SMYD3: variants seen among roughly 807,000 people sequenced by gnomAD.
The protein encoded by SMYD3 is SET and MYND domain containing 3.
SMYD3 carries 36 observed loss-of-function variants against 57.7 expected under a neutral mutation model. The ratio of observed to expected loss-of-function variants is 0.62; its 90% confidence interval spans 0.48 to 0.82. The LOEUF (loss-of-function observed/expected upper bound fraction) is 0.82. Ranked by LOEUF, SMYD3 falls within the 40% of genes least tolerant of loss-of-function variation. The pLI is 0.00. For missense variants in SMYD3, 515 were observed against 538.8 expected, an observed-to-expected ratio of 0.96 and a Z score of 0.44; for synonymous variants, 211 against 195.0, an observed-to-expected ratio of 1.08 and a Z score of -0.68.
At chr1:245,842,268 T>A (rs560410528) in intron 10 of SMYD3, among the ~76,000 whole-genome samples, 4 of 152,254 alleles carry the variant, frequency 2.6e-5, no homozygotes, top group Admixed American at 2.6e-4. Flanking sequence ...TAGACAGGGC[T>A]ACTAAATCGT....
At chr1:246,128,571 T>C (rs2061541289) in intron 5 of SMYD3, among the ~76,000 whole-genome samples, 1 of 152,214 alleles carries the variant, frequency 6.6e-6, no homozygotes, top group South Asian at 2.1e-4. Flanking sequence ...CCTCAGTTCA[T>C]AGATGAACAA....
intron 5 of SMYD3, among the ~76,000 whole-genome samples, chr1:246,300,277 G>C (rs1010070601): frequency 1.3e-5 from 2 of 152,098 alleles, no homozygotes; most frequent in African/African-American, 4.8e-5. Context: ...CATTTCAAAT[G>C]AGTGATAAAA....
intron 10 of SMYD3, among the ~76,000 whole-genome samples, chr1:245,772,906 T>C (rs1204950776): frequency 6.6e-6 from 1 of 152,062 alleles, no homozygotes; most frequent in Non-Finnish European, 1.5e-5. Context: ...TCCAGTTAGT[T>C]GAATGACTAT....
intron 5 of SMYD3, among the ~76,000 whole-genome samples, chr1:245,949,547 C>T (rs548828263): frequency 5.3e-4 from 81 of 152,342 alleles, no homozygotes; most frequent in African/African-American, 1.8e-3. Flanking sequence ...CGGTGGCTCA[C>T]GCCTGTAATC....
At chr1:245,793,091 C>T (rs2791387) in intron 10 of SMYD3, among the ~76,000 whole-genome samples, 10,435 of 62,874 alleles carry the variant, frequency 0.17, 495 homozygotes, top group Middle Eastern at 0.37. Flanking sequence ...CGGGTGATCA[C>T]GAAATCAGGA....
At chr1:245,765,599 T>C (rs4654205) in intron 10 of SMYD3, among the ~76,000 whole-genome samples, 70,959 of 151,922 alleles carry the variant, frequency 0.47, 18,054 homozygotes, top group East Asian at 0.88. Flanking sequence ...AGGTGACTGA[T>C]GGTTGGTTGG....
At chr1:246,086,590 T>C (rs898510592) in intron 5 of SMYD3, among the ~76,000 whole-genome samples, 2 of 151,972 alleles carry the variant, frequency 1.3e-5, no homozygotes, top group African/African-American at 4.8e-5. Context: ...AGTAAAATAG[T>C]TTAATCAAGT....
intron 5 of SMYD3, among the ~76,000 whole-genome samples, chr1:246,190,305 G>A (rs921099320): frequency 2.0e-5 from 3 of 152,178 alleles, no homozygotes; most frequent in African/African-American, 7.2e-5. Flanking sequence ...AAGCATGGGA[G>A]GCCGGGCGCG....
At chr1:246,492,554 G>T (rs1411783935) in intron 1 of SMYD3, among the ~76,000 whole-genome samples, 1 of 152,212 alleles carries the variant, frequency 6.6e-6, no homozygotes, top group Non-Finnish European at 1.5e-5. Context: ...TTTAAATGAT[G>T]AAAGAGTCAC....
chr1:246,362,051 C>G (rs1014680079), intron 1 of SMYD3, among the ~76,000 whole-genome samples: 2 of 151,972 alleles, frequency 1.3e-5, no homozygotes, highest in African/African-American at 4.8e-5. Flanking sequence ...CCCCCAGCAC[C>G]GCCCCCACAA....
intron 5 of SMYD3, among the ~76,000 whole-genome samples, chr1:246,001,079 C>T (rs565070608): frequency 6.8e-4 from 103 of 152,296 alleles, no homozygotes; most frequent in Admixed American, 1.5e-3. Flanking sequence ...CTGTCCTGCG[C>T]CCCCGACGAG....
At chr1:245,840,464 A>G (rs1351976741) in intron 10 of SMYD3, among the ~76,000 whole-genome samples, 1 of 152,144 alleles carries the variant, frequency 6.6e-6, no homozygotes, top group Non-Finnish European at 1.5e-5. Context: ...CTAAATCTCA[A>G]TCTAATAGTG....
chr1:246,426,010 G>A (rs1216119614), intron 1 of SMYD3: 1 of 151,148 alleles, frequency 6.6e-6, no homozygotes, highest in Non-Finnish European at 1.5e-5. Flanking sequence ...TTTTTTTTAA[G>A]ACTAGTCAAG....
rs1427243748 is a variant in SMYD3, at chr1:246,092,941, T to C, written c.532-163004A>G. On this transcript the variant is annotated intron_variant, in intron 5 of 11. Transcript: ENST00000490107. ...AAAGCAGGAAAAAAAAAACAAAAAA[T>C]GGGCAAATTAACTGAATAAACTGAA... 4.7e-5 allele frequency among the ~76,000 whole-genome samples: 7 copies of C among 148,284 alleles called. No individual in the cohort carries two copies. The South Asian group carries it at 1.5e-3, about 31-fold the overall frequency.
chr1:246,232,371 T>C (rs1038849648), intron 5 of SMYD3, among the ~76,000 whole-genome samples: 15 of 152,204 alleles, frequency 9.9e-5, no homozygotes, highest in African/African-American at 3.6e-4. Context: ...GCAGTGTGAA[T>C]TTCAATGAGG....
intron 5 of SMYD3, among the ~76,000 whole-genome samples, chr1:246,189,846 G>A (rs567139844): frequency 1.8e-4 from 27 of 152,250 alleles, no homozygotes; most frequent in African/African-American, 3.6e-4. Flanking sequence ...GCACAGCAAC[G>A]GCAAAATACT....
At chr1:245,915,451 A>C in intron 8 of SMYD3, 79 bp downstream of exon 8, 2 of 896,488 alleles carry the variant, frequency 2.2e-6, no homozygotes. Context: ...TTTTGGGTTT[A>C]TGAAATCTAG....
At chr1:246,498,526 GATC>G in intron 1 of SMYD3, among the ~76,000 whole-genome samples, 1 of 152,262 alleles carries the variant, frequency 6.6e-6, no homozygotes, top group South Asian at 2.1e-4. Flanking sequence ...GAGGTCAGGA[GATC>G]GAGACCATCC....
chr1:245,776,087 T>C (rs1325998622), intron 10 of SMYD3, among the ~76,000 whole-genome samples: 1 of 152,252 alleles, frequency 6.6e-6, no homozygotes, highest in Non-Finnish European at 1.5e-5. Context: ...CCTCTCTACA[T>C]CCACGAAGAC....
Sources: gnomAD v4.1 joint callset for allele counts (sites outside exome capture counted in the v4.1 genomes callset) on GRCh38, gnomAD v4.1.1 for gene constraint, MANE v1.5 for transcripts, NCBI Gene and HGNC (gene_info 2026-07-23, HGNC 2026-07-21) for gene names.